UNC79: variants seen among roughly 807,000 people sequenced by gnomAD.
UNC79 encodes the protein protein unc-79 homolog.
UNC79 carries 37 observed loss-of-function variants against 283.1 expected under a neutral mutation model. The observed-to-expected ratio is 0.13, with a 90% confidence interval of 0.10 to 0.17. UNC79 has a LOEUF of 0.17. Ranked by LOEUF, UNC79 falls within the 10% of genes least tolerant of loss-of-function variation. The pLI, the probability that UNC79 is intolerant of heterozygous loss-of-function variation, is 1.00. For synonymous variants in UNC79, 1,107 were observed against 1,200.2 expected (o/e 0.92, Z 1.61); for missense variants, 2,272 against 3,211.1 (o/e 0.71, Z 7.07).
intron 7 of UNC79, among the ~76,000 whole-genome samples, chr14:93,505,996 C>CG (rs2059518139): frequency 6.6e-6 from 1 of 151,788 alleles, no homozygotes; most frequent in Admixed American, 6.6e-5. Context: ...TTCTACAAAA[C>CG]ATAATTACTG....
chr14:93,539,551 A>G (rs1028619418), intron 12 of UNC79, among the ~76,000 whole-genome samples: 1 of 152,102 alleles, frequency 6.6e-6, no homozygotes, highest in African/African-American at 2.4e-5. Flanking sequence ...TAATAATAAT[A>G]TTAGAATCTA....
intron 1 of UNC79, among the ~76,000 whole-genome samples, chr14:93,448,174 T>C (rs1446585219): frequency 6.6e-6 from 1 of 151,386 alleles, no homozygotes; most frequent in Non-Finnish European, 1.5e-5. Flanking sequence ...CTCGGTTCTT[T>C]TTTTTTTTTT....
intron 14 of UNC79, among the ~76,000 whole-genome samples, chr14:93,564,990 T>G (rs1234110551): frequency 1.3e-5 from 2 of 152,216 alleles, no homozygotes; most frequent in Middle Eastern, 3.4e-3. Flanking sequence ...TCCCCCAAAT[T>G]ATAAGAGGCG....
chr14:93,352,073 C>G (rs184824290), intron 1 of UNC79, among the ~76,000 whole-genome samples: 10 of 152,256 alleles, frequency 6.6e-5, no homozygotes, highest in Admixed American at 5.2e-4. Flanking sequence ...AGTGAGAGAG[C>G]ATGAAAAAGG....
At chr14:93,545,924 G>A (rs1159876906) in intron 14 of UNC79, among the ~76,000 whole-genome samples, 4 of 152,100 alleles carry the variant, frequency 2.6e-5, no homozygotes, top group African/African-American at 9.7e-5. Flanking sequence ...GCTAGGCAGT[G>A]GATGTTTGCT....
At chr14:93,351,898 C>G (rs2053986185) in intron 1 of UNC79, among the ~76,000 whole-genome samples, 1 of 152,320 alleles carries the variant, frequency 6.6e-6, no homozygotes, top group Admixed American at 6.5e-5. Context: ...TCCACCTACA[C>G]TTTGAAGGAC....
At chr14:93,413,296 G>A (rs1370516959) in intron 1 of UNC79, among the ~76,000 whole-genome samples, 4 of 151,284 alleles carry the variant, frequency 2.6e-5, no homozygotes, top group Non-Finnish European at 5.9e-5. Context: ...TTGTCCTTGC[G>A]GTTGTTTACT....
chr14:93,405,862 G>A (rs2140038695), intron 1 of UNC79, among the ~76,000 whole-genome samples: 1 of 152,308 alleles, frequency 6.6e-6, no homozygotes, highest in South Asian at 2.1e-4. Context: ...TAGAAGAGCA[G>A]GAGAGTAATC....
At chr14:93,588,506 C>T (rs550517046) in intron 22 of UNC79, among the ~76,000 whole-genome samples, 7 of 151,892 alleles carry the variant, frequency 4.6e-5, no homozygotes, top group African/African-American at 1.2e-4. Flanking sequence ...TTTGGGAGGC[C>T]GAGGCCGGCG....
chr14:93,616,017 G>A (rs1022538172), intron 27 of UNC79, among the ~76,000 whole-genome samples: 63 of 151,832 alleles, frequency 4.1e-4, no homozygotes, highest in South Asian at 4.2e-4. Context: ...GGTTTTTGGC[G>A]AACAGGTGGT....
chr14:93,387,979 T>C (rs1383720026), intron 1 of UNC79, among the ~76,000 whole-genome samples: 1 of 152,252 alleles, frequency 6.6e-6, no homozygotes, highest in Non-Finnish European at 1.5e-5. Flanking sequence ...TCTTATTACG[T>C]AGTGACCTTC....
intron 14 of UNC79, among the ~76,000 whole-genome samples, chr14:93,561,816 AAC>A (rs1252674249): frequency 6.6e-6 from 1 of 152,160 alleles, no homozygotes; most frequent in Non-Finnish European, 1.5e-5. Flanking sequence ...GGCTTGGAGA[AAC>A]AGTGTAAACT....
chr14:93,393,609 C>T (rs1192587414), intron 1 of UNC79, among the ~76,000 whole-genome samples: 1 of 152,150 alleles, frequency 6.6e-6, no homozygotes, highest in Admixed American at 6.5e-5. Flanking sequence ...GTCAAGTGAA[C>T]AATGAATATG....
intron 26 of UNC79, among the ~76,000 whole-genome samples, chr14:93,605,861 C>T (rs2065852353): frequency 6.6e-6 from 1 of 152,050 alleles, no homozygotes; most frequent in Admixed American, 6.6e-5. Flanking sequence ...CAGATGGTGG[C>T]CAAAGTCTTT....
rs2067137269 is a variant in UNC79, at chr14:93,621,561, A to C, written c.4388-60A>C. 3 of 1,488,958 alleles carry C rather than the reference A, an allele frequency of 2.0e-6. No individual in the cohort carries two copies. Among genetic ancestry groups the C allele is most frequent in the South Asian group, 1.5e-5 (1 of 66,500 alleles). 92.2% of individuals were successfully genotyped at this position (1,488,958 alleles called of 1,614,324 possible). On this transcript the variant is annotated intron_variant, in intron 29 of 48. Transcript: ENST00000555664. The surrounding 1 kb of genome is among the most constrained non-coding windows in gnomAD (Gnocchi z 4.8). ...TATGCCAATTGTATGCCCAAGGATG[A>C]GGGGAAAAAATGGTGAAATCTCCAA...
intron 40 of UNC79, among the ~76,000 whole-genome samples, chr14:93,670,655 G>A (rs1031851967): frequency 6.6e-6 from 1 of 152,164 alleles, no homozygotes; most frequent in African/African-American, 2.4e-5. Context: ...GTTTCATTAT[G>A]TAGACATGGT....
Position 93,524,050 on chromosome 14 carries a change from T to C in UNC79, c.963+8T>C. 6.2e-7 allele frequency: 1 copy of C among 1,614,044 alleles called. No homozygotes were observed. On this transcript the variant is annotated splice_region_variant and intron_variant, in intron 8 of 48. Transcript: ENST00000555664. ...AACAAACCAGCTGTGAAGGTACTGTTTTATTAGACCTGGTGCCATACTGTA... is the reference window on the plus strand; with the variant it reads ...AACAAACCAGCTGTGAAGGTACTGTCTTATTAGACCTGGTGCCATACTGTA...
In UNC79 at chr14:93,528,546, C is replaced by T. The variant is rs2060649226; in HGVS notation, c.964-12C>T. ...AACAGGAGAGTTCATTCTGTCTTTT[C>T]ATATGTTTCAGATGTGTATAGACCC... On this transcript the variant is annotated splice_polypyrimidine_tract_variant and intron_variant, in intron 8 of 48. Transcript: ENST00000555664. 6.2e-7 allele frequency: 1 copy of T among 1,611,912 alleles called. No homozygotes were observed. The highest frequency in any genetic ancestry group is 8.5e-7 in the Non-Finnish European group (1 of 1,178,526).
chr14:93,541,163 T>C (rs1377004546), intron 13 of UNC79, among the ~76,000 whole-genome samples: 8 of 152,210 alleles, frequency 5.3e-5, no homozygotes, highest in Admixed American at 5.2e-4. Context: ...CTAGTATATA[T>C]TGTCAAGTAC....
Sources: gnomAD v4.1 joint callset for allele counts (sites outside exome capture counted in the v4.1 genomes callset) on GRCh38, gnomAD v4.1.1 for gene constraint, Gnocchi (gnomAD v3.1) non-coding constraint, MANE v1.5 for transcripts, NCBI Gene and HGNC (gene_info 2026-07-23, HGNC 2026-07-21) for gene names.